The following CLSTN2 variants were observed in gnomAD, a reference collection of about 807,000 sequenced individuals.
CLSTN2 encodes the protein calsyntenin 2, also known as calsyntenin-2.
In CLSTN2, 48 loss-of-function variants were observed where a neutral mutation model predicts 101.2. The ratio of observed to expected loss-of-function variants is 0.47; its 90% confidence interval spans 0.38 to 0.60. The LOEUF (loss-of-function observed/expected upper bound fraction) is 0.60, where lower values mean the gene tolerates loss of function less well. Ranked by LOEUF, CLSTN2 falls within the 20% of genes least tolerant of loss-of-function variation. The probability of loss-of-function intolerance (pLI) is 0.00; values close to 1 mark genes in which losing one functional copy is unlikely to be tolerated. For missense variants in CLSTN2, 1,160 were observed against 1,238.2 expected, an observed-to-expected ratio of 0.94 and a Z score of 0.95; for synonymous variants, 481 against 463.6, an observed-to-expected ratio of 1.04 and a Z score of -0.48.
At position 140,421,101 on chromosome 3, in the gene CLSTN2, C is replaced by T. The variant is rs113483151; in HGVS notation, c.638-24C>T. 1.6e-3 allele frequency: 2,498 copies of T among 1,609,636 alleles called. 44 individuals are homozygous for T. The African/African-American group carries it at 0.029, about 18-fold the overall frequency. ...AGTGCAGTTAAATTGACCTGAAATGCTTTTGAACATCTCTGTTCCTCAGGC... is the reference window on the plus strand; with the variant it reads ...AGTGCAGTTAAATTGACCTGAAATGTTTTTGAACATCTCTGTTCCTCAGGC... On this transcript the variant is annotated intron_variant, in intron 4 of 16. Transcript: ENST00000458420.
chr3:140,445,540 A>T (rs75343367), intron 5 of CLSTN2, among the ~76,000 whole-genome samples: 12,397 of 152,140 alleles, frequency 0.081, 625 homozygotes, highest in East Asian at 0.13. Flanking sequence ...CCCAGCACAA[A>T]ACTGCTTTCT....
chr3:140,029,109 G>A (rs1236457183), intron 1 of CLSTN2, among the ~76,000 whole-genome samples: 1 of 152,150 alleles, frequency 6.6e-6, no homozygotes, highest in African/African-American at 2.4e-5. Flanking sequence ...TCATGCTGAT[G>A]TGCCTTCTTA....
intron 2 of CLSTN2, among the ~76,000 whole-genome samples, chr3:140,285,653 T>C (rs550912071): frequency 1.1e-4 from 17 of 152,332 alleles, no homozygotes; most frequent in African/African-American, 4.8e-5. Context: ...TTCTAATTCA[T>C]TGGGTCTGTG....
intron 10 of CLSTN2, among the ~76,000 whole-genome samples, chr3:140,552,806 G>A (rs1023165317): frequency 3.9e-5 from 6 of 152,172 alleles, no homozygotes; most frequent in Non-Finnish European, 7.3e-5. Flanking sequence ...CAATCTGCTG[G>A]AGGATGCAGA....
At chr3:140,470,153 G>T (rs1032299457) in intron 8 of CLSTN2, among the ~76,000 whole-genome samples, 1 of 152,198 alleles carries the variant, frequency 6.6e-6, no homozygotes, top group Non-Finnish European at 1.5e-5. Context: ...ATGGGGACTC[G>T]CTTATTTCTT....
chr3:140,449,976 C>T (rs2108009877), intron 6 of CLSTN2: 1 of 152,388 alleles, frequency 6.6e-6, no homozygotes, highest in African/African-American at 2.4e-5. Flanking sequence ...TGTCATTTGG[C>T]TGTGAGATGG....
intron 2 of CLSTN2, among the ~76,000 whole-genome samples, chr3:140,307,074 G>A (rs867774527): frequency 5.3e-5 from 8 of 151,816 alleles, no homozygotes; most frequent in African/African-American, 1.9e-4. Flanking sequence ...CTTTATAACC[G>A]GGAATTTCCC....
chr3:140,470,984 G>A (rs752662421), intron 8 of CLSTN2, among the ~76,000 whole-genome samples: 7 of 152,244 alleles, frequency 4.6e-5, no homozygotes, highest in African/African-American at 7.2e-5. Flanking sequence ...CCTCTGCCCC[G>A]CACCGCAGCA....
chr3:140,207,055 T>C (rs573442057), intron 2 of CLSTN2, among the ~76,000 whole-genome samples: 61 of 152,334 alleles, frequency 4.0e-4, no homozygotes, highest in Admixed American at 6.5e-4. Context: ...CCAGAGCCTA[T>C]GGGGATGTCA....
chr3:139,985,497 G>C (rs1055666957), intron 1 of CLSTN2, among the ~76,000 whole-genome samples: 1 of 152,142 alleles, frequency 6.6e-6, no homozygotes, highest in African/African-American at 2.4e-5. Flanking sequence ...TCCTAGCTGG[G>C]GTGTCTATGG....
intron 1 of CLSTN2, among the ~76,000 whole-genome samples, chr3:140,081,997 T>C (rs972125685): frequency 3.3e-5 from 5 of 152,208 alleles, no homozygotes; most frequent in Admixed American, 6.5e-5. Flanking sequence ...CTAGAGTTAA[T>C]GTCAAGCAGG....
intron 2 of CLSTN2, among the ~76,000 whole-genome samples, chr3:140,236,423 A>G (rs1289070540): frequency 1.3e-5 from 2 of 152,066 alleles, no homozygotes; most frequent in Non-Finnish European, 2.9e-5. Flanking sequence ...ACTCTCTAAT[A>G]TTGGTTTTCA....
intron 8 of CLSTN2, chr3:140,508,044 A>C (rs1026578841): frequency 3.3e-5 from 5 of 152,248 alleles, no homozygotes; most frequent in Non-Finnish European, 7.3e-5. Flanking sequence ...TGCTATCCCC[A>C]GAATGTGCAT....
chr3:140,030,125 G>C (rs929463716), intron 1 of CLSTN2, among the ~76,000 whole-genome samples: 1 of 152,136 alleles, frequency 6.6e-6, no homozygotes, highest in Admixed American at 6.5e-5. Context: ...AGACCGAGGG[G>C]ACAGCAACAG....
chr3:140,258,830 A>T (rs1417663464), intron 2 of CLSTN2, among the ~76,000 whole-genome samples: 1 of 152,232 alleles, frequency 6.6e-6, no homozygotes, highest in Non-Finnish European at 1.5e-5. Flanking sequence ...AAACTCTCTG[A>T]TGACAGGGTG....
At chr3:139,952,061 T>A (rs1935304966) in intron 1 of CLSTN2, among the ~76,000 whole-genome samples, 1 of 152,112 alleles carries the variant, frequency 6.6e-6, no homozygotes, top group Non-Finnish European at 1.5e-5. Flanking sequence ...GAGATGAAAA[T>A]GCATTTTAAT....
intron 8 of CLSTN2, among the ~76,000 whole-genome samples, chr3:140,526,259 A>G (rs1211625325): frequency 6.6e-6 from 1 of 152,160 alleles, no homozygotes; most frequent in African/African-American, 2.4e-5. Context: ...TAGCATTTCT[A>G]TATGCCAATA....
At chr3:140,508,110 T>TA (rs1378682220) in intron 8 of CLSTN2, 1 of 152,246 alleles carries the variant, frequency 6.6e-6, no homozygotes, top group Non-Finnish European at 1.5e-5. Context: ...CCTCCCTAGC[T>TA]AGAGTCTTAT....
At chr3:140,295,076 C>T (rs2086990135) in intron 2 of CLSTN2, among the ~76,000 whole-genome samples, 1 of 152,038 alleles carries the variant, frequency 6.6e-6, no homozygotes, top group Admixed American at 6.6e-5. Context: ...GTCCATAATA[C>T]CTTCCTTCCC....
Sources: gnomAD v4.1 joint callset for allele counts (sites outside exome capture counted in the v4.1 genomes callset) on GRCh38, gnomAD v4.1.1 for gene constraint, MANE v1.5 for transcripts, NCBI Gene and HGNC (gene_info 2026-07-23, HGNC 2026-07-21) for gene names.